The following ADGRF3 variants were observed in gnomAD, a reference collection of about 807,000 sequenced individuals.
ADGRF3 encodes the protein G protein-coupled receptor 113.
In ADGRF3, 85 loss-of-function variants were observed where a neutral mutation model predicts 93.2. The ratio of observed to expected loss-of-function variants is 0.91; its 90% CI spans 0.77 to 1.09. The LOEUF is 1.09. Ranked by LOEUF, ADGRF3 falls within the 50% of genes least tolerant of loss-of-function variation. The pLI, the probability that ADGRF3 is intolerant of heterozygous loss-of-function variation, is 0.00. For missense variants in ADGRF3, 1,125 were observed against 1,246.2 expected (o/e 0.90, Z 1.46); for synonymous variants, 534 against 532.5 (o/e 1.00, Z -0.04).
Position 26,311,924 on chromosome 2 carries a change from C to T in ADGRF3, c.1600G>A (p.Ala534Thr), listed in dbSNP as rs147071305. Residue 534 changes from alanine (A) to threonine (T), a missense_variant, in exon 10 of 14, where the codon GCC (alanine) becomes ACC (threonine). Coordinates refer to ENST00000651242, the MANE Select transcript of ADGRF3 (RefSeq NM_001321971.2). ...AGCAGCACATTGGGTAAGCTGAAGG[C>T]GAAGGGGTGGTCCTGTGGGCACAGG... ...CSLCPQDHPF[A>T]FSLPNVLLQS... 62 of 1,613,708 alleles carry T rather than the reference C, an allele frequency of 3.8e-5. No homozygotes were observed. The highest frequency in any genetic ancestry group is 5.0e-5 in the Admixed American group (3 of 60,000).
At chr2:26,332,754 C>T (rs1369376998) in intron 1 of ADGRF3, among the ~76,000 whole-genome samples, 2 of 149,482 alleles carry the variant, frequency 1.3e-5, no homozygotes, top group Non-Finnish European at 3.0e-5. Context: ...AATATATATA[C>T]AAAGTTATAA....
At position 26,314,515 on chromosome 2, in the gene ADGRF3, G is replaced by C; in HGVS notation, c.827C>G (p.Ser276Cys). ...GCCAGGGGAGGTGGCACAGGAGATGGACAGCTGGTATGGAAGTCGAGCCAC... is the reference window on the plus strand; with the variant it reads ...GCCAGGGGAGGTGGCACAGGAGATGCACAGCTGGTATGGAAGTCGAGCCAC... ...TDVARLPYQLSISCATSPGFQ... is the reference protein window; with the variant it reads ...TDVARLPYQLCISCATSPGFQ... Residue 276 changes from serine to cysteine, a missense_variant, in exon 6 of 14, where the codon TCC (serine) becomes TGC (cysteine). Transcript: ENST00000651242. The C allele has an allele frequency of 6.2e-7, 1 of 1,614,068 alleles. No individual in the cohort carries two copies. The highest frequency in any genetic ancestry group is 2.2e-5 in the East Asian group (1 of 44,894).
chr2:26,317,775 C>G (rs1297886375), intron 1 of ADGRF3, among the ~76,000 whole-genome samples: 2 of 152,246 alleles, frequency 1.3e-5, no homozygotes, highest in African/African-American at 4.8e-5. Flanking sequence ...AGACCAGGAA[C>G]CAGGCACGCC....
intron 1 of ADGRF3, among the ~76,000 whole-genome samples, chr2:26,322,114 C>G (rs1675183842): frequency 6.6e-6 from 1 of 151,624 alleles, no homozygotes; most frequent in Non-Finnish European, 1.5e-5. Context: ...GAAACCCCAT[C>G]TCTACTAAAA....
intron 1 of ADGRF3, among the ~76,000 whole-genome samples, chr2:26,335,969 T>TA (rs1467921763): frequency 1.3e-5 from 2 of 152,206 alleles, no homozygotes; most frequent in Non-Finnish European, 2.9e-5. Flanking sequence ...ATTCAATGCT[T>TA]ACTGAGGTCT....
chr2:26,322,652 A>AC (rs35204492), intron 1 of ADGRF3, among the ~76,000 whole-genome samples: 37 of 152,288 alleles, frequency 2.4e-4, no homozygotes, highest in African/African-American at 8.4e-4. Context: ...TTACCTCAGT[A>AC]CCCCCCAGTG....
intron 5 of ADGRF3, 25 bp from the exon 6 acceptor site, chr2:26,314,648 A>T (rs112471374): frequency 0.024 from 37,616 of 1,594,368 alleles, 521 homozygotes; most frequent in East Asian, 0.044. Context: ...GTGCGGCGCT[A>T]TGTGGCTCCT....
rs747664450 is a variant in ADGRF3 at position 26,311,526 on chromosome 2, G to A, written c.1998C>T (p.Cys666=). Residue 666 remains cysteine, a synonymous_variant, in exon 10 of 14, where the codon TGC becomes TGT. Transcript: ENST00000651242. ...QGRGGWSKEG[C]QAQVASASPT... ...GGCTGGCACTGGCCACCTGTGCCTG[G>A]CACCCTTCTTTGGACCAACCCCCCC... is the stretch of plus-strand genomic sequence containing the variant. 2 of 1,613,984 alleles carry A rather than the reference G, an allele frequency of 1.2e-6. No homozygotes were observed. Among genetic ancestry groups the A allele is most frequent in the South Asian group, 2.2e-5 (2 of 91,088 alleles).
chr2:26,338,751 C>T (rs527802211), intron 1 of ADGRF3, among the ~76,000 whole-genome samples: 5 of 152,234 alleles, frequency 3.3e-5, no homozygotes, highest in Middle Eastern at 3.4e-3. Context: ...CATGAGCCAC[C>T]GTATCCGGCA....
At position 26,312,963 on chromosome 2, in the gene ADGRF3, G is replaced by A. The variant is rs753230544; in HGVS notation, c.1429C>T (p.Leu477Phe). The A allele has an allele frequency of 6.8e-6, 11 of 1,612,706 alleles. No individual in the cohort carries two copies. In the African/African-American group the frequency reaches 1.3e-4, roughly 20 times the overall value. Residue 477 changes from leucine to phenylalanine, a missense_variant, in exon 9 of 14, where the codon CTT (leucine) becomes TTT (phenylalanine). Physicochemically the swap from Leu to Phe is conservative, Grantham distance 22. Coordinates refer to ENST00000651242, the MANE Select transcript of ADGRF3 (RefSeq NM_001321971.2). ...AKVVAEARIQ[L>F]DRRALKNLLI... ...CTCACCTTCAGGGCTCTGCGGTCAA[G>A]CTGTATTCTGGCCTCTGCCACCACC...
intron 1 of ADGRF3, among the ~76,000 whole-genome samples, chr2:26,328,366 ATCAGCCAC>A (rs1675559132): frequency 6.6e-6 from 1 of 151,600 alleles, no homozygotes; most frequent in Non-Finnish European, 1.5e-5. Context: ...TATGTCTTTT[ATCAGCCAC>A]TATTTCAAAT....
chr2:26,326,188 G>A (rs1201044228), intron 1 of ADGRF3, among the ~76,000 whole-genome samples: 1 of 152,170 alleles, frequency 6.6e-6, no homozygotes, highest in East Asian at 1.9e-4. Context: ...GCACAGCAAG[G>A]CATCTCCAGG....
In ADGRF3 at chr2:26,311,750, G is replaced by C. The variant is rs116734873; in HGVS notation, c.1774C>G (p.Arg592Gly). Residue 592 changes from arginine (R) to glycine (G), a missense_variant, in exon 10 of 14, where the codon CGA (arginine) becomes GGA (glycine). Transcript: ENST00000651242. ...TEISITSLVLRKLDHLLPSNY... is the reference protein window; with the variant it reads ...TEISITSLVLGKLDHLLPSNY... ...GAGGGCAGAAGGTGGTCCAGTTTTC[G>C]CAGCACCAGGCTAGTAATACTTATT... 1.9e-6 allele frequency: 3 copies of C among 1,613,398 alleles called. No individual in the cohort carries two copies. The highest frequency in any genetic ancestry group is 2.5e-6 in the Non-Finnish European group (3 of 1,179,616).
At chr2:26,310,266 G>T in intron 10 of ADGRF3, 29 bp from the exon 11 acceptor site, 1 of 1,613,468 alleles carries the variant, frequency 6.2e-7, no homozygotes, top group East Asian at 2.2e-5. Context: ...GGATAAGCTG[G>T]TCAAGGAGGA....
Position 26,343,429 on chromosome 2 carries a change from C to A in ADGRF3, c.114+2692G>T, listed in dbSNP as rs185750042. ...AATGGATCGAATTAGATCTTAGGAT[C>A]AAATGATCTTTTTTTTTTTTATTTT... On this transcript the variant is annotated intron_variant, in intron 1 of 13. Transcript: ENST00000651242. Among the ~76,000 whole-genome samples the A allele has an allele frequency of 2.9e-3, 429 of 150,158 alleles. 1 individual carries two copies. Among genetic ancestry groups the A allele is most frequent in the African/African-American group, 9.5e-3 (394 of 41,314 alleles).
intron 1 of ADGRF3, among the ~76,000 whole-genome samples, chr2:26,331,946 G>A (rs566027313): frequency 6.6e-6 from 1 of 151,734 alleles, no homozygotes; most frequent in Non-Finnish European, 1.5e-5. Context: ...CACTTTTTCT[G>A]CTCCTTTTTT....
At chr2:26,320,695 G>A (rs1269194282) in intron 1 of ADGRF3, among the ~76,000 whole-genome samples, 1 of 152,136 alleles carries the variant, frequency 6.6e-6, no homozygotes, top group Non-Finnish European at 1.5e-5. Flanking sequence ...ATTCAAGGCA[G>A]AATTGTTTGT....
rs1182889831 is a variant in ADGRF3, at chr2:26,311,246, C to T, written c.2278G>A (p.Gly760Ser). The T allele has an allele frequency of 1.9e-6, 3 of 1,610,888 alleles. No homozygotes were observed. The highest frequency in any genetic ancestry group is 2.2e-5 in the East Asian group (1 of 44,726). Residue 760 changes from glycine to serine, a missense_variant, in exon 10 of 14, where the codon GGC becomes AGC. Physicochemically the swap from Gly to Ser is moderately conservative, Grantham distance 56 (BLOSUM62 0). Transcript: ENST00000651242. ...CLLAADTCFL[G>S]APFLSPGPRS... is the part of the protein sequence containing the mutation. ...GGCCCTGGAGAGAGGAATGGGGCGCCCAGGAAGCAAGTGTCTGCGGCCAGC... is the reference window on the plus strand; with the variant it reads ...GGCCCTGGAGAGAGGAATGGGGCGCTCAGGAAGCAAGTGTCTGCGGCCAGC...
chr2:26,346,402 G>C lies in ADGRF3; in HGVS notation c.-168C>G. 7.6e-7 allele frequency: 1 copy of C among 1,321,594 alleles called. No homozygotes were observed. 81.9% of individuals were successfully genotyped at this position (1,321,594 alleles called of 1,614,324 possible). On this transcript the variant is annotated 5_prime_UTR_variant, in exon 1 of 14. Transcript: ENST00000651242. ...TGTGCCGCGTGGCTCCGGGCGGGCT[G>C]GCGGGCGTTCCTCCGGAGGTCCTGC...
Sources: gnomAD v4.1 joint callset for allele counts (sites outside exome capture counted in the v4.1 genomes callset) on GRCh38, gnomAD v4.1.1 for gene constraint, MANE v1.5 for transcripts, NCBI Gene and HGNC (gene_info 2026-07-23, HGNC 2026-07-21) for gene names.